ADAMTSL3: variants seen among roughly 807,000 people sequenced by gnomAD.
ADAMTSL3 encodes the protein ADAMTS-like protein 3.
In ADAMTSL3, 128 loss-of-function variants were observed where a neutral mutation model predicts 201.7. That is an observed-to-expected ratio of 0.63 (90% CI 0.55 to 0.73). ADAMTSL3 has a LOEUF of 0.73. ADAMTSL3 is among the 30% of genes least tolerant of loss of function. ADAMTSL3 has a pLI of 0.00. For missense variants in ADAMTSL3, 1,990 were observed against 2,119.6 expected (o/e 0.94, Z 1.20); for synonymous variants, 738 against 748.4 (o/e 0.99, Z 0.23).
intron 6 of ADAMTSL3, among the ~76,000 whole-genome samples, chr15:83,827,842 ATT>A (rs2064060385): frequency 6.6e-6 from 1 of 152,036 alleles, no homozygotes; most frequent in African/African-American, 2.4e-5. Flanking sequence ...GTGTGGTATT[ATT>A]TCTGAGGGCT....
rs533301632 is a variant in ADAMTSL3, at chr15:83,898,547, TG to T, written c.1615+544del. The stretch of plus-strand genomic sequence containing the variant: ...ATGAATGAAAACTTCCCGTTCCCAG[TG>T]GAGATCTATGGATGCATTTATAATC... On this transcript the variant is annotated intron_variant, in intron 14 of 29. Transcript: ENST00000286744. Among the ~76,000 whole-genome samples the T allele has an allele frequency of 9.2e-5, 14 of 152,322 alleles. No individual in the cohort carries two copies. The East Asian group carries it at 2.7e-3, about 29-fold the overall frequency.
chr15:83,757,376 T>C (rs2062738282), intron 3 of ADAMTSL3, among the ~76,000 whole-genome samples: 1 of 152,238 alleles, frequency 6.6e-6, no homozygotes, highest in African/African-American at 2.4e-5. Flanking sequence ...GGCTTGGGGC[T>C]TTCACTCTCT....
intron 7 of ADAMTSL3, among the ~76,000 whole-genome samples, chr15:83,841,915 C>G (rs368655508): frequency 6.6e-6 from 1 of 151,764 alleles, no homozygotes; most frequent in Non-Finnish European, 1.5e-5. Context: ...ACACAGACGC[C>G]GACAGGCCAT....
In ADAMTSL3 at chr15:83,786,339, AG is replaced by A. The variant is rs1845643110; in HGVS notation, c.317+12691del. Among the ~76,000 whole-genome samples, 3 of 152,278 alleles carry A rather than the reference AG, an allele frequency of 2.0e-5. No homozygotes were observed. In the South Asian group the frequency reaches 6.2e-4, roughly 32 times the overall value. On this transcript the variant is annotated intron_variant, in intron 4 of 29. Coordinates refer to ENST00000286744, the MANE Select transcript of ADAMTSL3 (RefSeq NM_207517.3). Reference sequence around the variant, plus strand: ...TCTTTGTTTATTTTTATGGGTACATAGGTGTATATATTTATGTGAGATATTT... The same window carrying A: ...TCTTTGTTTATTTTTATGGGTACATAGTGTATATATTTATGTGAGATATTT...
intron 4 of ADAMTSL3, among the ~76,000 whole-genome samples, chr15:83,784,779 A>C (rs2063233413): frequency 6.6e-6 from 1 of 151,052 alleles, no homozygotes; most frequent in Admixed American, 6.6e-5. Context: ...CTTATGTAAA[A>C]TGATGATTAC....
At chr15:83,862,589 A>C (rs919534592) in intron 8 of ADAMTSL3, 6 of 152,240 alleles carry the variant, frequency 3.9e-5, no homozygotes, top group Non-Finnish European at 8.8e-5. Flanking sequence ...TGTCACCACC[A>C]GGCCTGCCCT....
chr15:83,740,849 G>T (rs1188001713), intron 3 of ADAMTSL3, among the ~76,000 whole-genome samples: 1 of 152,036 alleles, frequency 6.6e-6, no homozygotes, highest in African/African-American at 2.4e-5. Context: ...TATAACAATT[G>T]AATATTTAGA....
chr15:83,944,961 C>A (rs1474690501), intron 19 of ADAMTSL3, among the ~76,000 whole-genome samples: 2 of 152,168 alleles, frequency 1.3e-5, no homozygotes, highest in African/African-American at 4.8e-5. Context: ...GTACATATAT[C>A]CAGATTGGGA....
chr15:83,899,174 A>G (rs1249100444), intron 14 of ADAMTSL3, among the ~76,000 whole-genome samples: 2 of 152,218 alleles, frequency 1.3e-5, no homozygotes, highest in Non-Finnish European at 2.9e-5. Flanking sequence ...CTCAACAACT[A>G]CAACAACAGT....
At chr15:83,785,152 A>G (rs1337738358) in intron 4 of ADAMTSL3, among the ~76,000 whole-genome samples, 1 of 152,208 alleles carries the variant, frequency 6.6e-6, no homozygotes, top group Non-Finnish European at 1.5e-5. Context: ...ATCTTGTTAA[A>G]ATACAAACTT....
intron 20 of ADAMTSL3, among the ~76,000 whole-genome samples, chr15:83,975,206 G>A (rs948815543): frequency 1.3e-5 from 2 of 151,744 alleles, no homozygotes; most frequent in Non-Finnish European, 2.9e-5. Flanking sequence ...GTTTCACCAT[G>A]TTAGCCAGGA....
At chr15:84,019,138 C>T (rs973630327) in intron 25 of ADAMTSL3, among the ~76,000 whole-genome samples, 10 of 148,322 alleles carry the variant, frequency 6.7e-5, no homozygotes, top group East Asian at 2.0e-4. Flanking sequence ...CTTGAACAGA[C>T]GTTTCACAAA....
intron 15 of ADAMTSL3, among the ~76,000 whole-genome samples, chr15:83,901,190 T>G (rs1564473): frequency 0.63 from 95,345 of 152,014 alleles, 30,994 homozygotes; most frequent in African/African-American, 0.79. Flanking sequence ...GGGGAATGGC[T>G]TCACAGTATT....
Position 83,885,230 on chromosome 15 carries a change from T to C in ADAMTSL3, c.1072+18T>C. 1.9e-6 allele frequency: 3 copies of C among 1,560,868 alleles called. No homozygotes were observed. Among genetic ancestry groups the C allele is most frequent in the Non-Finnish European group, 2.6e-6 (3 of 1,132,796 alleles). On this transcript the variant is annotated intron_variant, in intron 10 of 29. Coordinates refer to ENST00000286744, the MANE Select transcript of ADAMTSL3 (RefSeq NM_207517.3). ...TGGAGGAGGTGAGGCCCAGGCTTTG[T>C]TCATGAATATTTAGAGCTCAGAGTT...
At chr15:83,876,927 G>A (rs2065187621) in intron 9 of ADAMTSL3, among the ~76,000 whole-genome samples, 1 of 152,054 alleles carries the variant, frequency 6.6e-6, no homozygotes, top group Non-Finnish European at 1.5e-5. Context: ...TGTGTAACTG[G>A]GATTATAGGT....
chr15:83,768,770 C>T (rs182196201), intron 3 of ADAMTSL3, among the ~76,000 whole-genome samples: 23 of 152,304 alleles, frequency 1.5e-4, no homozygotes, highest in Admixed American at 1.5e-3. Context: ...GGAGTTATTT[C>T]TGAATGTCTG....
In ADAMTSL3 at chr15:83,901,656, A is replaced by AT. The variant is rs536919245; in HGVS notation, c.1700+1926dup. Among the ~76,000 whole-genome samples, 4 of 152,280 alleles carry AT rather than the reference A, an allele frequency of 2.6e-5. No homozygotes were observed. The South Asian group carries it at 8.3e-4, about 32-fold the overall frequency. On this transcript the variant is annotated intron_variant, in intron 15 of 29. Coordinates refer to ENST00000286744, the MANE Select transcript of ADAMTSL3 (RefSeq NM_207517.3). ...TATGTGTTTGTTGTTTTTCATTTTG[A>AT]TGTTAGGGCAATCTTAAATTAAAAA...
chr15:84,022,453 T>C (rs1289810176), intron 26 of ADAMTSL3, among the ~76,000 whole-genome samples: 1 of 152,282 alleles, frequency 6.6e-6, no homozygotes, highest in Non-Finnish European at 1.5e-5. Context: ...TCAGTACCTG[T>C]CACCTGGGAG....
chr15:83,687,243 T>G (rs1360436291), intron 2 of ADAMTSL3, among the ~76,000 whole-genome samples: 1 of 152,188 alleles, frequency 6.6e-6, no homozygotes, highest in Non-Finnish European at 1.5e-5. Context: ...AAGTATCAAG[T>G]GAAAATTAAT....
Sources: allele counts gnomAD v4.1 joint callset (sites outside exome capture counted in the v4.1 genomes callset), GRCh38; gene constraint gnomAD v4.1.1; transcripts MANE v1.5; gene names NCBI Gene and HGNC (gene_info 2026-07-23, HGNC 2026-07-21).